The following VCAN variants were observed in gnomAD, a reference collection of about 807,000 sequenced individuals.
The protein encoded by VCAN is versican.
Under a neutral mutation model 245.5 loss-of-function variants are expected in VCAN, and 44 were observed. That is an observed-to-expected ratio of 0.18 (90% CI 0.14 to 0.23). The LOEUF is 0.23. Ranked by LOEUF, VCAN falls within the 10% of genes least tolerant of loss-of-function variation. The pLI, the probability that VCAN is intolerant of heterozygous loss-of-function variation, is 1.00. For synonymous variants in VCAN, 1,413 were observed against 1,437.0 expected (o/e 0.98, Z 0.38); for missense variants, 3,793 against 4,057.9 (o/e 0.93, Z 1.77).
In VCAN at chr5:83,490,395, G is replaced by A; in HGVS notation, c.368G>A (p.Ser123Asn). The change falls in exon 3 of 15, where the codon AGT becomes AAT. Residue 123 changes from serine (S) to asparagine (N), a missense_variant. This residue lies in a region of VCAN where 179 missense variants were observed against 169.7 expected (regional missense o/e 1.05). Transcript: ENST00000265077. Reference protein sequence around the residue: ...ASLTVVKLLASDAGLYRCDVM... With the variant: ...ASLTVVKLLANDAGLYRCDVM... ...CTCACTGTGGTCAAGCTGCTGGCAA[G>A]TGATGCGGGTCTTTACCGCTGTGAC... The A allele has an allele frequency of 6.2e-7, 1 of 1,614,258 alleles. No homozygotes were observed. Among genetic ancestry groups the A allele is most frequent in the Non-Finnish European group, 8.5e-7 (1 of 1,180,048 alleles).
chr5:83,537,402 C>A lies in VCAN; in HGVS notation c.4399C>A (p.Pro1467Thr). ...AACGGAATTGTCTACTGCTGTGCAA[C>A]CTAATGAATCTACAGAAACAACTGA... The part of the protein sequence containing the change: ...AKTELSTAVQ[P>T]NESTETTESL... The change falls in exon 8 of 15, where the codon CCT (proline) becomes ACT (threonine). Residue 1467 changes from proline to threonine, a missense_variant. Physicochemically the swap from Pro to Thr is conservative, Grantham distance 38. This residue lies in a region of VCAN where 3,182 missense variants were observed against 3,250.3 expected (regional missense o/e 0.98). Transcript: ENST00000265077. 1 of 1,613,894 alleles carries A rather than the reference C, an allele frequency of 6.2e-7. No individual in the cohort carries two copies. The highest frequency in any genetic ancestry group is 2.2e-5 in the East Asian group (1 of 44,870).
Position 83,520,890 on chromosome 5 carries a change from C to G in VCAN, c.2584C>G (p.Gln862Glu), listed in dbSNP as rs1422054624. The change falls in exon 7 of 15, where the codon CAA becomes GAA. Residue 862 changes from glutamine to glutamate, a missense_variant. Gln to Glu is a conservative substitution (Grantham distance 29). Coordinates refer to ENST00000265077, the MANE Select transcript of VCAN (RefSeq NM_004385.5). ...ATTTACTCTTATTCCAGATAGTACT[C>G]AAAAGCAGTTAGAGGAGGTTACTGA... ...DEFTLIPDST[Q>E]KQLEEVTDED... 2.5e-6 allele frequency: 4 copies of G among 1,614,098 alleles called. No homozygotes were observed. Among genetic ancestry groups the G allele is most frequent in the Non-Finnish European group, 3.4e-6 (4 of 1,179,994 alleles).
chr5:83,553,915 A>T (rs1226386161), intron 11 of VCAN, among the ~76,000 whole-genome samples: 2 of 152,134 alleles, frequency 1.3e-5, no homozygotes, highest in Non-Finnish European at 2.9e-5. Context: ...AGTTGTTTTC[A>T]GTTATTTTTG....
intron 12 of VCAN, among the ~76,000 whole-genome samples, chr5:83,562,849 TCA>T (rs2308224): frequency 0.23 from 34,242 of 151,922 alleles, 4,217 homozygotes; most frequent in Admixed American, 0.33. Context: ...CACAGTGGTC[TCA>T]CAGTGCGAGT....
At chr5:83,516,807 T>G (rs1745871738) in intron 6 of VCAN, among the ~76,000 whole-genome samples, 1 of 152,260 alleles carries the variant, frequency 6.6e-6, no homozygotes, top group Non-Finnish European at 1.5e-5. Context: ...TTAAAATATC[T>G]CTTCGTAGAT....
chr5:83,568,237 A>G (rs1168525237), intron 12 of VCAN, among the ~76,000 whole-genome samples: 1 of 152,194 alleles, frequency 6.6e-6, no homozygotes, highest in Non-Finnish European at 1.5e-5. Flanking sequence ...TTTCTTTGCT[A>G]AGTCAGTTTG....
chr5:83,539,859 C>T lies in VCAN; in HGVS notation c.6856C>T (p.His2286Tyr). 2 of 1,614,026 alleles carry T rather than the reference C, an allele frequency of 1.2e-6. No homozygotes were observed. Among genetic ancestry groups the T allele is most frequent in the Non-Finnish European group, 1.7e-6 (2 of 1,179,996 alleles). Reference protein sequence around the residue: ...VEQINNTLYPHTSQVESTSSD... With the variant: ...VEQINNTLYPYTSQVESTSSD... ...ACAAATCAATAACACATTATATCCC[C>T]ACACTTCTCAAGTGGAAAGTACCTC... The change falls in exon 8 of 15, where the codon CAC becomes TAC. Residue 2286 changes from histidine (H) to tyrosine (Y), a missense_variant. Physicochemically the swap from His to Tyr is moderately conservative, Grantham distance 83. This residue lies in a region of VCAN where 3,182 missense variants were observed against 3,250.3 expected (regional missense o/e 0.98). Transcript: ENST00000265077.
At position 83,550,887 on chromosome 5, in the gene VCAN, C is replaced by CAAAAAA. The variant is rs57081110; in HGVS notation, c.9494-2461_9494-2456dup. Among the ~76,000 whole-genome samples, 101 of 49,894 alleles carry CAAAAAA rather than the reference C, an allele frequency of 2.0e-3. 2 individuals are homozygous for CAAAAAA. The highest frequency in any genetic ancestry group is 4.3e-3 in the African/African-American group (53 of 12,232). The allele number at this position is 49,894 out of a possible 152,430, so 32.7% of individuals were successfully genotyped here. On this transcript the variant is annotated intron_variant, in intron 10 of 14. Transcript: ENST00000265077. ...GGGTGACAAGAGTGAGACTCCATCT[C>CAAAAAA]AAAAAAAAAAAAAAAAAAAAAGTGA...
At chr5:83,485,961 G>A (rs1238355425) in intron 2 of VCAN, among the ~76,000 whole-genome samples, 1 of 151,956 alleles carries the variant, frequency 6.6e-6, no homozygotes, top group Non-Finnish European at 1.5e-5. Context: ...ATTAGCCGGG[G>A]GTGGTGGCTT....
At chr5:83,527,734 A>G (rs1746355878) in intron 7 of VCAN, among the ~76,000 whole-genome samples, 1 of 152,100 alleles carries the variant, frequency 6.6e-6, no homozygotes, top group African/African-American at 2.4e-5. Flanking sequence ...TAACTCACTA[A>G]CCCTGAGGAA....
rs368581063 is a variant in VCAN, at chr5:83,530,199, C to T, written c.4004-6808C>T. Among the ~76,000 whole-genome samples the T allele has an allele frequency of 5.9e-5, 9 of 152,064 alleles. No homozygotes were observed. The East Asian group carries it at 1.7e-3, about 30-fold the overall frequency. ...CTTTTCCTCAGTTGTGAAAGTTGGG[C>T]TTATGATTTTGATAACTACCAATTT... On this transcript the variant is annotated intron_variant, in intron 7 of 14. Coordinates refer to ENST00000265077, the MANE Select transcript of VCAN (RefSeq NM_004385.5).
At chr5:83,533,492 C>T (rs77077890) in intron 7 of VCAN, among the ~76,000 whole-genome samples, 1,805 of 151,978 alleles carry the variant, frequency 0.012, 38 homozygotes, top group African/African-American at 0.041. Flanking sequence ...GAGTGTTTGC[C>T]CTAGGGTCTG....
chr5:83,517,512 G>T (rs1005079169), intron 6 of VCAN, among the ~76,000 whole-genome samples: 1 of 152,032 alleles, frequency 6.6e-6, no homozygotes, highest in South Asian at 2.1e-4. Flanking sequence ...TTTCCCCAAA[G>T]AATGCAGTTA....
chr5:83,568,902 G>A (rs767730156), intron 12 of VCAN, among the ~76,000 whole-genome samples: 8 of 151,690 alleles, frequency 5.3e-5, no homozygotes, highest in Middle Eastern at 3.4e-3. Flanking sequence ...AGACACACAC[G>A]CAAACACAAA....
intron 3 of VCAN, among the ~76,000 whole-genome samples, chr5:83,492,204 T>C (rs1745007132): frequency 1.3e-5 from 2 of 152,162 alleles, no homozygotes; most frequent in South Asian, 4.1e-4. Flanking sequence ...ACTACAGTAA[T>C]ATAACTCTGG....
In VCAN at chr5:83,541,494, A is replaced by G. The variant is rs763897892; in HGVS notation, c.8491A>G (p.Ile2831Val). The G allele has an allele frequency of 3.1e-6, 5 of 1,613,960 alleles. No individual in the cohort carries two copies. The South Asian group carries it at 3.3e-5, about 11-fold the overall frequency. ...TCAGACACCATCATCTCCCCTCACT[A>G]TCTACTCAGGCAGTGAAGCCTCTGG... ...SSQTPSSPLT[I>V]YSGSEASGHT... The change falls in exon 8 of 15, where the codon ATC becomes GTC. Residue 2831 changes from isoleucine (I) to valine (V), a missense_variant. By Grantham distance (29) the Ile-to-Val change is conservative. Coordinates refer to ENST00000265077, the MANE Select transcript of VCAN (RefSeq NM_004385.5).
rs142981602 is a variant in VCAN at position 83,530,842 on chromosome 5, C to T, written c.4004-6165C>T. On this transcript the variant is annotated intron_variant, in intron 7 of 14. Transcript: ENST00000265077. Reference sequence around the variant, plus strand: ...TTTTTACAACCTAATTGAGGTGATACAAAATATAAGAATATTCCTTCATCC... The same window carrying T: ...TTTTTACAACCTAATTGAGGTGATATAAAATATAAGAATATTCCTTCATCC... 7.9e-3 allele frequency among the ~76,000 whole-genome samples: 1,203 copies of T among 152,006 alleles called. 19 individuals carry two copies. Among genetic ancestry groups the T allele is most frequent in the African/African-American group, 0.027 (1,124 of 41,456 alleles).
rs1019285598 is a variant in VCAN at position 83,497,726 on chromosome 5, G to C, written c.748+3795G>C. The stretch of plus-strand genomic sequence containing the variant: ...AAGACAGATTTGGAAAACATTGGGA[G>C]GGTTTTAAGGTAGAGTTGAGATGAT... On this transcript the variant is annotated intron_variant, in intron 5 of 14. Transcript: ENST00000265077. Among the ~76,000 whole-genome samples the C allele has an allele frequency of 4.6e-5, 7 of 152,270 alleles. 1 individual carries two copies.
At chr5:83,527,074 C>T (rs1746329107) in intron 7 of VCAN, among the ~76,000 whole-genome samples, 1 of 152,206 alleles carries the variant, frequency 6.6e-6, no homozygotes, top group Non-Finnish European at 1.5e-5. Context: ...ACCCCCTGCC[C>T]AATGGCTTAG....
Sources: gnomAD v4.1 joint callset for allele counts (sites outside exome capture counted in the v4.1 genomes callset) on GRCh38, gnomAD v4.1.1 for gene constraint, gnomAD v4.1.1 regional missense constraint, MANE v1.5 for transcripts, NCBI Gene and HGNC (gene_info 2026-07-23, HGNC 2026-07-21) for gene names.